The following CCNY variants were observed in gnomAD, a reference collection of about 807,000 sequenced individuals.
CCNY encodes the protein cyclin-Y.
CCNY carries 19 observed loss-of-function variants against 42.8 expected under a neutral mutation model. That is an observed-to-expected ratio of 0.44 (90% CI 0.31 to 0.65). CCNY has a LOEUF of 0.65. CCNY is among the 30% of genes least tolerant of loss of function. CCNY has a pLI of 0.07. For synonymous variants in CCNY, 165 were observed against 162.7 expected, an observed-to-expected ratio of 1.01 and a Z score of -0.11; for missense variants, 370 against 437.3, an observed-to-expected ratio of 0.85 and a Z score of 1.37.
chr10:35,504,473 A>G (rs544691280), intron 3 of CCNY, among the ~76,000 whole-genome samples: 21 of 152,308 alleles, frequency 1.4e-4, no homozygotes, highest in African/African-American at 4.8e-4. Flanking sequence ...TTCTCAAGGA[A>G]TTATTCCAGG....
intron 9 of CCNY, 91 bp from the exon 10 acceptor site, chr10:35,568,963 C>G: frequency 1.2e-6 from 1 of 806,844 alleles, no homozygotes; most frequent in Non-Finnish European, 2.1e-6. Flanking sequence ...CTCTGCCTGT[C>G]CCTCATGCAG....
intron 1 of CCNY, among the ~76,000 whole-genome samples, chr10:35,459,327 A>G (rs1177604785): frequency 6.6e-6 from 1 of 152,186 alleles, no homozygotes; most frequent in African/African-American, 2.4e-5. Context: ...TGCAGGCCGC[A>G]TGTGGCCCAG....
rs561635584 is a variant in CCNY at position 35,267,799 on chromosome 10, C to T, written c.-9+17173C>T. Among the ~76,000 whole-genome samples, 8 of 152,124 alleles carry T rather than the reference C, an allele frequency of 5.3e-5. No homozygotes were observed. In the East Asian group the frequency reaches 5.8e-4, roughly 11 times the overall value. ...GTGCAATGTCGGGTAAATAGCTGAG[C>T]GGTGGAATAAAGTCACTGATTTACT... is the stretch of plus-strand genomic sequence containing the variant. On this transcript the variant is annotated intron_variant, in intron 3 of 11. Coordinates refer to the CCNY transcript ENST00000374706.
chr10:35,436,611 C>G (rs138708533), intron 1 of CCNY, among the ~76,000 whole-genome samples: 187 of 152,308 alleles, frequency 1.2e-3, no homozygotes, highest in African/African-American at 4.0e-3. Context: ...ACAGCACTTG[C>G]TCTTACCCAC....
chr10:35,302,675 C>T (rs1048578508), intron 3 of CCNY, among the ~76,000 whole-genome samples: 3 of 152,182 alleles, frequency 2.0e-5, no homozygotes, highest in Admixed American at 1.3e-4. Context: ...CTAGCAGGCA[C>T]CCAAGGGCAT....
intron 7 of CCNY, among the ~76,000 whole-genome samples, chr10:35,543,197 C>T (rs1841040365): frequency 6.6e-6 from 1 of 152,150 alleles, no homozygotes; most frequent in Non-Finnish European, 1.5e-5. Flanking sequence ...CCAAGACCAC[C>T]TCAGGTTTGA....
At chr10:35,342,780 G>T (rs11010178) in intron 1 of CCNY, among the ~76,000 whole-genome samples, 1 of 152,066 alleles carries the variant, frequency 6.6e-6, no homozygotes, top group African/African-American at 2.4e-5. Context: ...TTTGCGGAAG[G>T]TTCCTCAGTT....
chr10:35,565,237 C>T (rs1841545746), intron 8 of CCNY, among the ~76,000 whole-genome samples: 1 of 152,234 alleles, frequency 6.6e-6, no homozygotes, highest in Admixed American at 6.5e-5. Context: ...AGCACCTCCT[C>T]TCCCAACCTA....
At chr10:35,377,392 G>A (rs1329637942) in intron 1 of CCNY, among the ~76,000 whole-genome samples, 1 of 152,148 alleles carries the variant, frequency 6.6e-6, no homozygotes, top group East Asian at 1.9e-4. Flanking sequence ...CAAGTACTTA[G>A]CATTGTGTTA....
intron 1 of CCNY, among the ~76,000 whole-genome samples, chr10:35,435,969 C>G (rs752495265): frequency 4.6e-5 from 7 of 151,978 alleles, no homozygotes; most frequent in South Asian, 2.1e-4. Flanking sequence ...GGGAGGTGGT[C>G]AGCAGAAGTT....
chr10:35,337,727 C>T (rs759811747), intron 1 of CCNY, among the ~76,000 whole-genome samples: 1 of 133,224 alleles, frequency 7.5e-6, no homozygotes. Context: ...CGTTCCCATT[C>T]TACCGTTTTT....
intron 1 of CCNY, among the ~76,000 whole-genome samples, chr10:35,366,114 C>T (rs987914527): frequency 4.6e-5 from 7 of 152,188 alleles, no homozygotes; most frequent in Admixed American, 6.5e-5. Context: ...CATAAATACA[C>T]GACAGATACC....
rs542242117 is a variant in CCNY, at chr10:35,311,104, G to C, written c.-9+60478G>C. On this transcript the variant is annotated intron_variant, in intron 3 of 11. Transcript: ENST00000374706. ...GAGGCAGGAGGATTGCTTGAGGCCA[G>C]GAGTTGGAAACCAGGCTGGTCAACA... 3.3e-5 allele frequency among the ~76,000 whole-genome samples: 5 copies of C among 152,316 alleles called. No homozygotes were observed. The South Asian group carries it at 1.0e-3, about 32-fold the overall frequency.
chr10:35,380,548 GTC>G (rs1837159797), intron 1 of CCNY, among the ~76,000 whole-genome samples: 1 of 152,172 alleles, frequency 6.6e-6, no homozygotes, highest in African/African-American at 2.4e-5. Flanking sequence ...AGTACGATGA[GTC>G]TCTATATTTC....
At chr10:35,350,584 C>G (rs1335984990) in intron 1 of CCNY, among the ~76,000 whole-genome samples, 1 of 152,126 alleles carries the variant, frequency 6.6e-6, no homozygotes, top group Non-Finnish European at 1.5e-5. Context: ...GACCTGGCCC[C>G]CCGAGGCAGG....
At chr10:35,534,779 A>T (rs1283594667) in intron 7 of CCNY, among the ~76,000 whole-genome samples, 1 of 151,944 alleles carries the variant, frequency 6.6e-6, no homozygotes, top group African/African-American at 2.4e-5. Flanking sequence ...GGAAACCACT[A>T]ATCAAATTTC....
At chr10:35,452,479 A>G (rs1838938708) in intron 1 of CCNY, among the ~76,000 whole-genome samples, 1 of 152,220 alleles carries the variant, frequency 6.6e-6, no homozygotes, top group African/African-American at 2.4e-5. Context: ...TTATCTTAGA[A>G]TGAAACAGTA....
chr10:35,415,926 A>G (rs1404162147), intron 1 of CCNY, among the ~76,000 whole-genome samples: 1 of 152,198 alleles, frequency 6.6e-6, no homozygotes, highest in Non-Finnish European at 1.5e-5. Flanking sequence ...AAAACCAATG[A>G]TTTTTTAAAA....
At chr10:35,259,721 A>G (rs1473692735) in intron 3 of CCNY, among the ~76,000 whole-genome samples, 1 of 138,688 alleles carries the variant, frequency 7.2e-6, no homozygotes, top group Non-Finnish European at 1.5e-5. Context: ...CATGTTGGCC[A>G]GGCTGTTCTC....
Sources: allele counts gnomAD v4.1 joint callset (sites outside exome capture counted in the v4.1 genomes callset), GRCh38; gene constraint gnomAD v4.1.1; transcripts MANE v1.5; gene names NCBI Gene and HGNC (gene_info 2026-07-23, HGNC 2026-07-21).